Variants in CENPP observed in about 807,000 individuals in gnomAD.
CENPP encodes the protein centromere protein P.
In CENPP, 24 loss-of-function variants were observed where a neutral mutation model predicts 35.6. The ratio of observed to expected loss-of-function variants is 0.67; its 90% CI spans 0.49 to 0.95. The LOEUF (loss-of-function observed/expected upper bound fraction) is 0.95, where lower values mean the gene tolerates loss of function less well. CENPP is among the 40% of genes least tolerant of loss of function. The pLI, the probability that CENPP is intolerant of heterozygous loss-of-function variation, is 0.00. For synonymous variants in CENPP, 120 were observed against 125.5 expected (o/e 0.96, Z 0.29); for missense variants, 332 against 345.3 (o/e 0.96, Z 0.31).
chr9:92,612,874 C>A (rs1851307854), intron 7 of CENPP, 145 bp from the exon 8 acceptor site: 2 of 995,918 alleles, frequency 2.0e-6, no homozygotes, highest in Admixed American at 2.2e-5. Flanking sequence ...CTCACTCCAT[C>A]TCCTCGCCCG....
chr9:92,469,888 G>T (rs896549095), intron 5 of CENPP, among the ~76,000 whole-genome samples: 16 of 152,208 alleles, frequency 1.1e-4, no homozygotes, highest in Non-Finnish European at 2.9e-5. Context: ...TTGTTTTTAA[G>T]ACAGGGTCTT....
At chr9:92,345,592 A>G in intron 3 of CENPP, 107 bp from the exon 4 acceptor site, 1 of 656,196 alleles carries the variant, frequency 1.5e-6, no homozygotes, top group East Asian at 2.8e-5. Flanking sequence ...TGTCATGATT[A>G]CTCTTTCCTT....
At chr9:92,383,632 A>G (rs1231615119) in intron 5 of CENPP, among the ~76,000 whole-genome samples, 2 of 151,994 alleles carry the variant, frequency 1.3e-5, no homozygotes, top group Admixed American at 6.5e-5. Flanking sequence ...TGTATTGTTT[A>G]TTTTGTTTTA....
chr9:92,504,426 A>T (rs898841907), intron 5 of CENPP, among the ~76,000 whole-genome samples: 1 of 152,164 alleles, frequency 6.6e-6, no homozygotes, highest in Non-Finnish European at 1.5e-5. Flanking sequence ...TTCTGGCTGG[A>T]TGATCATGTG....
chr9:92,381,978 A>C (rs1350988268), intron 5 of CENPP, among the ~76,000 whole-genome samples: 1 of 151,328 alleles, frequency 6.6e-6, no homozygotes, highest in Non-Finnish European at 1.5e-5. Context: ...CATCCTCCTA[A>C]TGGTTAGTGA....
intron 5 of CENPP, among the ~76,000 whole-genome samples, chr9:92,571,509 C>G (rs1157051157): frequency 6.6e-6 from 1 of 152,108 alleles, no homozygotes; most frequent in Non-Finnish European, 1.5e-5. Context: ...ACTATGTGGT[C>G]AATTTTGGAG....
intron 4 of CENPP, among the ~76,000 whole-genome samples, chr9:92,370,535 T>C (rs1314211027): frequency 6.6e-6 from 1 of 152,114 alleles, no homozygotes; most frequent in Non-Finnish European, 1.5e-5. Context: ...TGGAGTGCAG[T>C]AGTGGCATGA....
chr9:92,512,782 G>C lies in CENPP; in HGVS notation c.565-98532G>C, dbSNP rs189220158. Among the ~76,000 whole-genome samples the C allele has an allele frequency of 4.9e-3, 739 of 152,308 alleles. 4 individuals carry two copies. The highest frequency in any genetic ancestry group is 0.012 in the South Asian group (59 of 4,826). On this transcript the variant is annotated intron_variant, in intron 5 of 7. Coordinates refer to ENST00000375587, the MANE Select transcript of CENPP (RefSeq NM_001012267.3). Reference sequence around the variant, plus strand: ...CAGTAGTACATACCATAAAAGCCACGTGGTGACCTTCTTATAAAACCATAA... The same window carrying C: ...CAGTAGTACATACCATAAAAGCCACCTGGTGACCTTCTTATAAAACCATAA...
chr9:92,440,517 T>A (rs1844360150), intron 5 of CENPP, among the ~76,000 whole-genome samples: 1 of 152,112 alleles, frequency 6.6e-6, no homozygotes, highest in Admixed American at 6.5e-5. Flanking sequence ...TTCCCTTAAG[T>A]GAAAACTTTT....
intron 5 of CENPP, among the ~76,000 whole-genome samples, chr9:92,395,123 A>G (rs1164498302): frequency 6.6e-6 from 1 of 152,046 alleles, no homozygotes; most frequent in Non-Finnish European, 1.5e-5. Flanking sequence ...ACCCCCATGA[A>G]ACGTTCACTA....
At chr9:92,501,079 G>T (rs1026622587) in intron 5 of CENPP, 3 of 1,601,292 alleles carry the variant, frequency 1.9e-6, no homozygotes, top group Non-Finnish European at 2.6e-6. Context: ...AAGTAAACAG[G>T]GTAGGGACAT....
chr9:92,542,664 G>A (rs1849343141), intron 5 of CENPP, among the ~76,000 whole-genome samples: 1 of 152,090 alleles, frequency 6.6e-6, no homozygotes, highest in Non-Finnish European at 1.5e-5. Context: ...CTACAGGCAT[G>A]CACCACCACA....
At chr9:92,534,238 G>A (rs1220787126) in intron 5 of CENPP, among the ~76,000 whole-genome samples, 1 of 152,120 alleles carries the variant, frequency 6.6e-6, no homozygotes, top group Non-Finnish European at 1.5e-5. Flanking sequence ...TTATTTGTCT[G>A]TAATATATCT....
At chr9:92,408,272 G>A (rs944250763) in intron 5 of CENPP, among the ~76,000 whole-genome samples, 1 of 152,016 alleles carries the variant, frequency 6.6e-6, no homozygotes, top group Non-Finnish European at 1.5e-5. Flanking sequence ...TGCAACCTCC[G>A]CCTCCCGGGT....
intron 5 of CENPP, among the ~76,000 whole-genome samples, chr9:92,530,337 T>G (rs1213328664): frequency 7.9e-5 from 12 of 152,162 alleles, no homozygotes; most frequent in Admixed American, 7.9e-4. Context: ...GAGATTTTGA[T>G]AGTAGGGGAA....
intron 5 of CENPP, among the ~76,000 whole-genome samples, chr9:92,516,103 G>T (rs909363696): frequency 6.8e-6 from 1 of 147,010 alleles, no homozygotes; most frequent in Admixed American, 7.0e-5. Flanking sequence ...TTGCTCTGTC[G>T]CCCAGGCTGG....
intron 5 of CENPP, among the ~76,000 whole-genome samples, chr9:92,454,737 C>A (rs1844824034): frequency 6.6e-6 from 1 of 152,130 alleles, no homozygotes; most frequent in South Asian, 2.1e-4. Context: ...GTCACCCCTA[C>A]CCTTTATAGG....
chr9:92,464,776 G>T (rs975333586), intron 5 of CENPP: 3 of 733,748 alleles, frequency 4.1e-6, no homozygotes, highest in Non-Finnish European at 7.4e-6. Context: ...CATTTTATGT[G>T]TGTGTAGACT....
intron 5 of CENPP, chr9:92,495,429 A>C: frequency 1.0e-6 from 1 of 985,322 alleles, no homozygotes; most frequent in Non-Finnish European, 1.2e-6. Context: ...AAGGCAAAGG[A>C]GATAGATGCT....
Sources: allele counts gnomAD v4.1 joint callset (sites outside exome capture counted in the v4.1 genomes callset), GRCh38; gene constraint gnomAD v4.1.1; transcripts MANE v1.5; gene names NCBI Gene and HGNC (gene_info 2026-07-23, HGNC 2026-07-21).